NPAS3: variants seen among roughly 807,000 people sequenced by gnomAD.
NPAS3 encodes neuronal PAS domain protein 3.
In NPAS3, 14 loss-of-function variants were observed where a neutral mutation model predicts 73.1. The observed-to-expected ratio is 0.19, with a 90% CI of 0.13 to 0.30. The LOEUF (loss-of-function observed/expected upper bound fraction) is 0.30, where lower values mean the gene tolerates loss of function less well. NPAS3 is among the 10% of genes least tolerant of loss of function. The pLI is 1.00. For missense variants in NPAS3, 1,096 were observed against 1,250.0 expected (o/e 0.88, Z 1.86); for synonymous variants, 620 against 541.5 (o/e 1.14, Z -2.01).
At chr14:33,455,893 T>C (rs888786563) in intron 4 of NPAS3, among the ~76,000 whole-genome samples, 1 of 152,160 alleles carries the variant, frequency 6.6e-6, no homozygotes, top group African/African-American at 2.4e-5. Context: ...TTAACAGCAA[T>C]GGGAATTCAA....
At chr14:33,472,066 G>A (rs1486755824) in intron 4 of NPAS3, among the ~76,000 whole-genome samples, 1 of 152,226 alleles carries the variant, frequency 6.6e-6, no homozygotes, top group African/African-American at 2.4e-5. Context: ...AGCTGGAGGA[G>A]AGAACAAGCA....
intron 2 of NPAS3, among the ~76,000 whole-genome samples, chr14:33,156,221 G>A (rs959658945): frequency 6.6e-6 from 1 of 152,112 alleles, no homozygotes; most frequent in Non-Finnish European, 1.5e-5. Flanking sequence ...GCAGGGATTG[G>A]CATTTGTGCA....
Position 33,199,088 on chromosome 14 carries a change from C to A in NPAS3, c.141-16094C>A, listed in dbSNP as rs565131926. On this transcript the variant is annotated intron_variant, in intron 2 of 11. Transcript: ENST00000356141. ...TGGAACTTGCGCTGGCCTGCGAGCTCCGTGTGCAGCCCTGGTTCCTGCCCG... is the reference window on the plus strand; with the variant it reads ...TGGAACTTGCGCTGGCCTGCGAGCTACGTGTGCAGCCCTGGTTCCTGCCCG... Among the ~76,000 whole-genome samples, 3 of 152,286 alleles carry A rather than the reference C, an allele frequency of 2.0e-5. No individual in the cohort carries two copies. The East Asian group carries it at 5.8e-4, about 30-fold the overall frequency.
chr14:33,215,563 T>G (rs1242393754), intron 3 of NPAS3, 137 bp downstream of exon 3: 1 of 989,768 alleles, frequency 1.0e-6, no homozygotes, highest in East Asian at 2.4e-5. Context: ...ATCTGAACTC[T>G]GCATGAGAAA....
chr14:33,348,410 T>C, intron 3 of NPAS3, among the ~76,000 whole-genome samples: 1 of 152,110 alleles, frequency 6.6e-6, no homozygotes, highest in East Asian at 1.9e-4. Flanking sequence ...CCTATGTAGA[T>C]AGGGAAAACT....
At chr14:33,626,145 A>C (rs74732996) in intron 5 of NPAS3, among the ~76,000 whole-genome samples, 10,729 of 152,222 alleles carry the variant, frequency 0.07, 490 homozygotes, top group South Asian at 0.12. Flanking sequence ...CTCCCACATC[A>C]TGTCTGTGTC....
chr14:33,308,527 T>TACACAC (rs1555371843), intron 3 of NPAS3, among the ~76,000 whole-genome samples: 56 of 103,722 alleles, frequency 5.4e-4, no homozygotes, highest in Admixed American at 1.0e-3. Context: ...TATATATATA[T>TACACAC]ACATACACAC....
rs2048123694 is a variant in NPAS3, at chr14:33,238,818, G to A, written c.385+23392G>A. On this transcript the variant is annotated intron_variant, in intron 3 of 11. Coordinates refer to ENST00000356141, the Ensembl canonical transcript of NPAS3. ...TCTAATAATGGAGGAATAAATCACAGAATGCCATATAAAATGAATATGGAA... is the reference window on the plus strand; with the variant it reads ...TCTAATAATGGAGGAATAAATCACAAAATGCCATATAAAATGAATATGGAA... Among the ~76,000 whole-genome samples the A allele has an allele frequency of 2.0e-5, 3 of 152,040 alleles. No homozygotes were observed. In the South Asian group the frequency reaches 6.2e-4, roughly 32 times the overall value.
intron 1 of NPAS3, among the ~76,000 whole-genome samples, chr14:33,036,297 T>C (rs993487109): frequency 6.6e-6 from 1 of 152,116 alleles, no homozygotes; most frequent in Non-Finnish European, 1.5e-5. Flanking sequence ...TATTAAAGTA[T>C]ATAATAACTG....
chr14:33,699,708 G>C (rs867758890), intron 6 of NPAS3, among the ~76,000 whole-genome samples: 10 of 152,184 alleles, frequency 6.6e-5, no homozygotes, highest in Middle Eastern at 3.4e-3. Flanking sequence ...AGCAGAACAG[G>C]GTTATTAAAT....
intron 4 of NPAS3, among the ~76,000 whole-genome samples, chr14:33,458,848 C>A (rs890978491): frequency 6.6e-6 from 1 of 152,072 alleles, no homozygotes; most frequent in African/African-American, 2.4e-5. Flanking sequence ...AAAGGGGTCC[C>A]GATCCAGACC....
chr14:33,204,953 A>G (rs916793908), intron 2 of NPAS3, among the ~76,000 whole-genome samples: 4 of 152,192 alleles, frequency 2.6e-5, no homozygotes, highest in Admixed American at 6.5e-5. Flanking sequence ...GCCTTTAAGC[A>G]TCAAGGCACT....
intron 6 of NPAS3, among the ~76,000 whole-genome samples, chr14:33,726,582 G>A (rs777411903): frequency 2.6e-5 from 4 of 152,056 alleles, no homozygotes; most frequent in African/African-American, 9.7e-5. Flanking sequence ...CCAAAATGTG[G>A]CTCCCATCAC....
intron 2 of NPAS3, among the ~76,000 whole-genome samples, chr14:33,065,179 A>T (rs1367840556): frequency 6.6e-6 from 1 of 152,190 alleles, no homozygotes; most frequent in Non-Finnish European, 1.5e-5. Flanking sequence ...ATTTATTTTT[A>T]TCTAGACATA....
intron 3 of NPAS3, among the ~76,000 whole-genome samples, chr14:33,278,787 T>C (rs1325532874): frequency 2.0e-5 from 3 of 152,146 alleles, no homozygotes; most frequent in Non-Finnish European, 2.9e-5. Flanking sequence ...CTCAAATATA[T>C]CATACCACAT....
At chr14:33,078,684 A>G (rs929112737) in intron 2 of NPAS3, among the ~76,000 whole-genome samples, 3 of 152,236 alleles carry the variant, frequency 2.0e-5, no homozygotes, top group Admixed American at 6.5e-5. Flanking sequence ...AGAGTAACAC[A>G]ATTGATGTAA....
intron 2 of NPAS3, among the ~76,000 whole-genome samples, chr14:33,136,209 C>T (rs189003491): frequency 1.3e-5 from 2 of 151,786 alleles, no homozygotes; most frequent in Admixed American, 1.3e-4. Flanking sequence ...TACAGGCGCA[C>T]ACCACCACGC....
At chr14:33,085,968 C>A (rs889726100) in intron 2 of NPAS3, among the ~76,000 whole-genome samples, 1 of 152,156 alleles carries the variant, frequency 6.6e-6, no homozygotes, top group Non-Finnish European at 1.5e-5. Flanking sequence ...GATTTACCAA[C>A]AGTCTCCTAG....
chr14:33,396,645 T>G (rs1160439220), intron 4 of NPAS3, among the ~76,000 whole-genome samples: 1 of 152,180 alleles, frequency 6.6e-6, no homozygotes, highest in African/African-American at 2.4e-5. Context: ...TCCTAAATAC[T>G]AAGTTTCTTT....
Sources: allele counts gnomAD v4.1 joint callset (sites outside exome capture counted in the v4.1 genomes callset), GRCh38; gene constraint gnomAD v4.1.1; transcripts MANE v1.5; gene names NCBI Gene and HGNC (gene_info 2026-07-23, HGNC 2026-07-21).